The following CLSTN1 variants were observed in gnomAD, a reference collection of about 807,000 sequenced individuals.
CLSTN1 encodes calsyntenin 1.
CLSTN1 carries 28 observed loss-of-function variants against 108.3 expected under a neutral mutation model. The observed-to-expected ratio is 0.26, with a 90% CI of 0.19 to 0.35. CLSTN1 has a LOEUF of 0.35. CLSTN1 is among the 10% of genes least tolerant of loss of function. The pLI is 1.00. For synonymous variants in CLSTN1, 524 were observed against 534.9 expected, an observed-to-expected ratio of 0.98 and a Z score of 0.28; for missense variants, 1,157 against 1,302.6, an observed-to-expected ratio of 0.89 and a Z score of 1.72.
At chr1:9,804,224 G>A (rs554130864) in intron 1 of CLSTN1, among the ~76,000 whole-genome samples, 2 of 151,954 alleles carry the variant, frequency 1.3e-5, no homozygotes, top group South Asian at 2.1e-4. Context: ...TTAGCCGGGC[G>A]TGGTGGCGGG....
At chr1:9,768,596 C>T (rs1325958949) in intron 2 of CLSTN1, among the ~76,000 whole-genome samples, 2 of 113,860 alleles carry the variant, frequency 1.8e-5, no homozygotes, top group Non-Finnish European at 3.6e-5. Context: ...CTGGGTGGCA[C>T]CATGGGGGCG....
rs138998693 is a variant in CLSTN1, at chr1:9,742,680, A to T, written c.1356+1204T>A. Among the ~76,000 whole-genome samples the T allele has an allele frequency of 4.8e-3, 731 of 152,310 alleles. 3 individuals are homozygous for T. The highest frequency in any genetic ancestry group is 0.016 in the African/African-American group (657 of 41,576). ...GAGAAATAATCACTCACATAAATAA[A>T]AAAATACACCAATAAGAGATGAATG... On this transcript the variant is annotated intron_variant, in intron 9 of 18. Transcript: ENST00000377298.
intron 2 of CLSTN1, among the ~76,000 whole-genome samples, chr1:9,761,693 T>C (rs1437565270): frequency 6.6e-6 from 1 of 152,142 alleles, no homozygotes; most frequent in Non-Finnish European, 1.5e-5. Context: ...AGGCTGGCCC[T>C]GCTGTTCTTT....
At chr1:9,760,943 GGGAAGGACCTCTCAGAA>G (rs1652043477) in intron 2 of CLSTN1, among the ~76,000 whole-genome samples, 1 of 151,898 alleles carries the variant, frequency 6.6e-6, no homozygotes, top group Non-Finnish European at 1.5e-5. Context: ...ATCCGTTGCA[GGGAAGGACCTCTCAGAA>G]TTGCCTCTCA....
intron 1 of CLSTN1, among the ~76,000 whole-genome samples, chr1:9,777,485 T>G (rs917011499): frequency 1.3e-5 from 2 of 152,122 alleles, no homozygotes; most frequent in African/African-American, 2.4e-5. Flanking sequence ...ATCTCGCCAC[T>G]GCACTCCAGC....
At chr1:9,741,302 C>T (rs1336182915) in intron 9 of CLSTN1, 46 bp from the exon 10 acceptor site, 1 of 1,560,584 alleles carries the variant, frequency 6.4e-7, no homozygotes, top group Non-Finnish European at 8.8e-7. Flanking sequence ...GTCCACTTTC[C>T]TTCTCATCAA....
At chr1:9,762,095 T>C (rs1652102426) in intron 2 of CLSTN1, among the ~76,000 whole-genome samples, 2 of 152,064 alleles carry the variant, frequency 1.3e-5, no homozygotes, top group Admixed American at 1.3e-4. Flanking sequence ...TTCACTTGGC[T>C]AGGGGAAGCT....
chr1:9,780,520 C>T (rs1653191737), intron 1 of CLSTN1, among the ~76,000 whole-genome samples: 1 of 152,156 alleles, frequency 6.6e-6, no homozygotes. Context: ...CCCAGTATTC[C>T]AATTTTATAA....
chr1:9,788,325 C>A (rs1261624206), intron 1 of CLSTN1, among the ~76,000 whole-genome samples: 3 of 151,458 alleles, frequency 2.0e-5, no homozygotes, highest in Non-Finnish European at 4.4e-5. Flanking sequence ...AATCCTAGCA[C>A]TTTGGGAGGC....
chr1:9,765,798 G>A (rs752075902), intron 2 of CLSTN1, among the ~76,000 whole-genome samples: 3 of 151,986 alleles, frequency 2.0e-5, no homozygotes, highest in East Asian at 1.9e-4. Flanking sequence ...CAGGAGAATC[G>A]CTTGAACCCG....
intron 2 of CLSTN1, among the ~76,000 whole-genome samples, chr1:9,766,119 C>G (rs912987520): frequency 6.6e-6 from 1 of 152,140 alleles, no homozygotes; most frequent in Non-Finnish European, 1.5e-5. Flanking sequence ...TGCCCTGAAA[C>G]TTCTTTTGGA....
chr1:9,814,326 C>A (rs1420179259), intron 1 of CLSTN1, among the ~76,000 whole-genome samples: 1 of 150,588 alleles, frequency 6.6e-6, no homozygotes, highest in Non-Finnish European at 1.5e-5. Context: ...ATGGGCAGAT[C>A]GCTTGAACCT....
chr1:9,821,442 G>C (rs1328798540), intron 1 of CLSTN1, among the ~76,000 whole-genome samples: 1 of 152,242 alleles, frequency 6.6e-6, no homozygotes, highest in East Asian at 1.9e-4. Context: ...TCTACTCAAT[G>C]TTTTTTGAGA....
intron 1 of CLSTN1, among the ~76,000 whole-genome samples, chr1:9,776,806 C>CAGCA (rs1418322919): frequency 2.1e-5 from 3 of 142,422 alleles, no homozygotes; most frequent in African/African-American, 9.1e-5. Flanking sequence ...ATCTATCTAT[C>CAGCA]TATCTATCAG....
At position 9,730,439 on chromosome 1, in the gene CLSTN1, C is replaced by T. The variant is rs2101067869; in HGVS notation, c.*69G>A. 1 of 1,452,886 alleles carries T rather than the reference C, an allele frequency of 6.9e-7. No individual in the cohort carries two copies. Among genetic ancestry groups the T allele is most frequent in the Middle Eastern group, 2.4e-4 (1 of 4,150 alleles). The allele number at this position is 1,452,886 out of a possible 1,614,324, so 90.0% of individuals were successfully genotyped here. A position where few individuals can be genotyped will look rare whatever the true frequency, so the allele number is the denominator to read the frequency against. On this transcript the variant is annotated 3_prime_UTR_variant, in exon 19 of 19. Coordinates refer to ENST00000377298, the MANE Select transcript of CLSTN1 (RefSeq NM_001009566.3). This position sits in a 1 kb window ranked among gnomAD's most constrained non-coding sequence, Gnocchi z 5.6. The stretch of plus-strand genomic sequence containing the variant: ...GAAATGACTTTGTACATCGTGGACC[C>T]TTGGGACTGGGAGAACGGATGGCAG...
intron 1 of CLSTN1, among the ~76,000 whole-genome samples, chr1:9,812,211 T>C (rs1654787765): frequency 6.6e-6 from 1 of 152,118 alleles, no homozygotes; most frequent in South Asian, 2.1e-4. Context: ...ACAACCCTAG[T>C]CTTCTGTGAG....
In CLSTN1 at chr1:9,730,738, G is replaced by T; in HGVS notation, c.2749-33C>A. 1 of 1,554,428 alleles carries T rather than the reference G, an allele frequency of 6.4e-7. No homozygotes were observed. The highest frequency in any genetic ancestry group is 8.7e-7 in the Non-Finnish European group (1 of 1,150,454). The stretch of plus-strand genomic sequence containing the variant: ...GGAGAAGTGACGGCCACATGAGTCC[G>T]GCCCTGCCCACAGCCCCGTCACCTG... On this transcript the variant is annotated intron_variant, in intron 18 of 18. Transcript: ENST00000377298. The surrounding 1 kb of genome is among the most constrained non-coding windows in gnomAD (Gnocchi z 5.6).
In CLSTN1 at chr1:9,730,661, TTCCTCTTCCTCC is replaced by T. The variant is rs779646158; in HGVS notation, c.2781_2792del (p.Glu932_Glu935del). 24 of 1,610,050 alleles carry T rather than the reference TTCCTCTTCCTCC, an allele frequency of 1.5e-5. No individual in the cohort carries two copies. Among genetic ancestry groups the T allele is most frequent in the African/African-American group, 2.7e-5 (2 of 74,848 alleles). On this transcript the variant is annotated inframe_deletion, in exon 19 of 19. Coordinates refer to ENST00000377298, the MANE Select transcript of CLSTN1 (RefSeq NM_001009566.3). This position sits in a 1 kb window ranked among gnomAD's most constrained non-coding sequence, Gnocchi z 5.6. ...CGCCGTCCTCGCTTTCCTCTTCCTC[TTCCTCTTCCTCC>T]TCCTCCTCACTGCTGTGCTGGTCCT...
chr1:9,746,917 T>G (rs940181487), intron 7 of CLSTN1, among the ~76,000 whole-genome samples: 2 of 152,016 alleles, frequency 1.3e-5, no homozygotes, highest in African/African-American at 4.8e-5. Context: ...CAGTGGCTCA[T>G]GCATATAATC....
Sources: gnomAD v4.1 joint callset for allele counts (sites outside exome capture counted in the v4.1 genomes callset) on GRCh38, gnomAD v4.1.1 for gene constraint, Gnocchi (gnomAD v3.1) non-coding constraint, MANE v1.5 for transcripts, NCBI Gene and HGNC (gene_info 2026-07-23, HGNC 2026-07-21) for gene names.